The following ZP3 variants were observed in gnomAD, a reference collection of about 807,000 sequenced individuals.
ZP3 encodes zona pellucida glycoprotein 3.
ZP3 carries 21 observed loss-of-function variants against 35.6 expected under a neutral mutation model. The ratio of observed to expected loss-of-function variants is 0.59; its 90% CI spans 0.42 to 0.85. The LOEUF (loss-of-function observed/expected upper bound fraction) is 0.85, where lower values mean the gene tolerates loss of function less well. ZP3 is among the 40% of genes least tolerant of loss of function. The pLI, the probability that ZP3 is intolerant of heterozygous loss-of-function variation, is 0.00. For missense variants in ZP3, 437 were observed against 536.5 expected (o/e 0.81, Z 1.83); for synonymous variants, 207 against 214.5 (o/e 0.96, Z 0.31).
chr7:76,432,365 T>C (rs1470936280), intron 2 of ZP3, among the ~76,000 whole-genome samples: 5 of 152,090 alleles, frequency 3.3e-5, no homozygotes, highest in Admixed American at 2.6e-4. Flanking sequence ...ATTTTATTTT[T>C]AGTGGAGATG....
At chr7:76,428,853 T>C (rs931616144) in intron 1 of ZP3, 1 of 152,506 alleles carries the variant, frequency 6.6e-6, no homozygotes, top group East Asian at 1.9e-4. Context: ...AGCTAATTTT[T>C]TTTTTTTAAG....
At chr7:76,415,764 C>G (rs1021518774) in intron 1 of ZP3, among the ~76,000 whole-genome samples, 8 of 150,934 alleles carry the variant, frequency 5.3e-5, no homozygotes, top group Non-Finnish European at 1.2e-4. Flanking sequence ...CAAAGTGCTG[C>G]AATTACAGGC....
In ZP3 at chr7:76,440,573, G is replaced by T. The variant is rs1314008066; in HGVS notation, c.1022G>T (p.Ser341Ile). 4 of 1,614,044 alleles carry T rather than the reference G, an allele frequency of 2.5e-6. No homozygotes were observed. In the African/African-American group the frequency reaches 5.3e-5, roughly 22 times the overall value. Reference sequence around the variant, plus strand: ...TCCAGGAGGCAGCCTCATGTCATGAGCCAGTGGTCCAGGTCTGCTTCCCGT... The same window carrying T: ...TCCAGGAGGCAGCCTCATGTCATGATCCAGTGGTCCAGGTCTGCTTCCCGT... ...SHSRRQPHVM[S>I]QWSRSASRNR... The change falls in exon 7 of 8, where the codon AGC (serine) becomes ATC (isoleucine). Residue 341 changes from serine to isoleucine, a missense_variant. Physicochemically the swap from Ser to Ile is moderately radical, Grantham distance 142. This residue lies in a region of ZP3 where 41 missense variants were observed against 50.2 expected (regional missense o/e 0.82). Coordinates refer to ENST00000394857, the MANE Select transcript of ZP3 (RefSeq NM_001110354.2).
chr7:76,400,912 G>T, intron 1 of ZP3: 1 of 1,489,220 alleles, frequency 6.7e-7, no homozygotes, highest in Admixed American at 2.0e-5. Context: ...AGAGTCAAGG[G>T]GGGCTGGTTA....
Position 76,404,390 on chromosome 7 carries a change from C to A in ZP3, c.-67+6593C>A, listed in dbSNP as rs145166488. 7 of 1,613,990 alleles carry A rather than the reference C, an allele frequency of 4.3e-6. No individual in the cohort carries two copies. In the East Asian group the frequency reaches 1.6e-4, roughly 36 times the overall value. On this transcript the variant is annotated intron_variant, in intron 1 of 8. Coordinates refer to the ZP3 transcript ENST00000336517. ...CCCATCTCCCAACCTCCACCCCCAG[C>A]GCTTCTCATCCAGCTGGGGACCAAT...
upstream of ZP3, among the ~76,000 whole-genome samples, chr7:76,422,405 G>A (rs76325050): frequency 2.0e-5 from 3 of 151,940 alleles, no homozygotes; most frequent in East Asian, 2.0e-4. Context: ...GTGGCCAGGC[G>A]CGGTGGCTCA....
At chr7:76,431,847 C>T (rs908738645) in intron 2 of ZP3, among the ~76,000 whole-genome samples, 3 of 150,118 alleles carry the variant, frequency 2.0e-5, no homozygotes, top group Non-Finnish European at 3.0e-5. Context: ...TGCAGTGAGC[C>T]GAGATCGTGC....
chr7:76,426,741 T>G (rs1166265054), intron 1 of ZP3, among the ~76,000 whole-genome samples: 1 of 151,930 alleles, frequency 6.6e-6, no homozygotes, highest in Non-Finnish European at 1.5e-5. Flanking sequence ...AGTTTTGCTC[T>G]TATTGCCCAG....
At chr7:76,436,214 G>A (rs1220598235) in intron 5 of ZP3, among the ~76,000 whole-genome samples, 3 of 151,694 alleles carry the variant, frequency 2.0e-5, no homozygotes, top group Non-Finnish European at 4.4e-5. Context: ...ACTACTGAGT[G>A]CCTGTTATAT....
chr7:76,419,647 C>T (rs1805458036), intron 1 of ZP3, among the ~76,000 whole-genome samples: 1 of 146,144 alleles, frequency 6.8e-6, no homozygotes, highest in African/African-American at 2.5e-5. Flanking sequence ...TCTTTCTTTT[C>T]TCTCTCTCTC....
At chr7:76,405,772 G>T (rs1191747100) in intron 1 of ZP3, among the ~76,000 whole-genome samples, 3 of 152,008 alleles carry the variant, frequency 2.0e-5, no homozygotes, top group African/African-American at 7.2e-5. Flanking sequence ...TGTGTGAAGA[G>T]GGCAAATGGT....
At chr7:76,423,025 G>GAGAGAGAAAGAA (rs1278384225), upstream of ZP3, among the ~76,000 whole-genome samples, 148 of 75,830 alleles carry the variant, frequency 2.0e-3, 2 homozygotes, top group Non-Finnish European at 1.2e-3. Context: ...GAGAGAGAGA[G>GAGAGAGAAAGAA]AGAAAGAAAG....
chr7:76,438,393 A>T (rs1329726123), intron 5 of ZP3, among the ~76,000 whole-genome samples: 1 of 152,212 alleles, frequency 6.6e-6, no homozygotes, highest in Admixed American at 6.5e-5. Flanking sequence ...CCCCATCTCT[A>T]CTACAAATAC....
At position 76,426,495 on chromosome 7, in the gene ZP3, A is replaced by C. The variant is rs575789714; in HGVS notation, c.312+1219A>C. On this transcript the variant is annotated intron_variant, in intron 1 of 7. Transcript: ENST00000394857. Reference sequence around the variant, plus strand: ...GCCCTCCGGCCAGAGCTCTGGTCTTAACTGTGGTCTCCTGGGCTCTCTTTG... The same window carrying C: ...GCCCTCCGGCCAGAGCTCTGGTCTTCACTGTGGTCTCCTGGGCTCTCTTTG... Among the ~76,000 whole-genome samples, 308 of 152,070 alleles carry C rather than the reference A, an allele frequency of 2.0e-3. 1 individual carries two copies. Among genetic ancestry groups the C allele is most frequent in the Middle Eastern group, 0.01 (3 of 294 alleles).
upstream of ZP3, among the ~76,000 whole-genome samples, chr7:76,423,353 G>A (rs1374659245): frequency 6.6e-6 from 1 of 152,190 alleles, no homozygotes; most frequent in Non-Finnish European, 1.5e-5. Context: ...TGCCGGCTGT[G>A]CTGGGCAAAG....
chr7:76,423,025 G>GAGAGAGAAAGAAAGAAAGAA (rs1278384225), upstream of ZP3, among the ~76,000 whole-genome samples: 17 of 75,846 alleles, frequency 2.2e-4, no homozygotes, highest in East Asian at 7.1e-4. Context: ...GAGAGAGAGA[G>GAGAGAGAAAGAAAGAAAGAA]AGAAAGAAAG....
chr7:76,429,711 G>C, intron 2 of ZP3, 78 bp downstream of exon 2: 1 of 1,194,874 alleles, frequency 8.4e-7, no homozygotes, highest in Non-Finnish European at 1.2e-6. Context: ...CTGGCTATGG[G>C]CTACAGCTTG....
intron 1 of ZP3, among the ~76,000 whole-genome samples, chr7:76,414,533 A>C (rs1193055866): frequency 2.6e-5 from 4 of 151,548 alleles, no homozygotes; most frequent in African/African-American, 9.7e-5. Flanking sequence ...GAGTTTGCCT[A>C]TTACGGAATG....
chr7:76,407,252 G>A (rs11489557), intron 1 of ZP3, among the ~76,000 whole-genome samples: 64,329 of 151,950 alleles, frequency 0.42, 13,828 homozygotes, highest in South Asian at 0.53. Context: ...TGAGCCACCA[G>A]GCTTGGCCCT....
Sources: allele counts gnomAD v4.1 joint callset (sites outside exome capture counted in the v4.1 genomes callset), GRCh38; gene constraint gnomAD v4.1.1; regional missense constraint gnomAD v4.1.1; transcripts MANE v1.5; gene names NCBI Gene and HGNC (gene_info 2026-07-23, HGNC 2026-07-21).